Variants in SCYL3 observed in about 807,000 individuals in gnomAD.
SCYL3 encodes the protein SCY1 like pseudokinase 3.
SCYL3 carries 35 observed loss-of-function variants against 73.8 expected under a neutral mutation model. That is an observed-to-expected ratio of 0.47 (90% CI 0.36 to 0.63). The LOEUF (loss-of-function observed/expected upper bound fraction) is 0.63. SCYL3 is among the 20% of genes least tolerant of loss of function. The pLI is 0.00. For synonymous variants in SCYL3, 277 were observed against 295.2 expected (o/e 0.94, Z 0.63); for missense variants, 712 against 798.9 (o/e 0.89, Z 1.31).
intron 2 of SCYL3, among the ~76,000 whole-genome samples, chr1:169,882,569 G>A (rs1661363957): frequency 6.6e-6 from 1 of 152,232 alleles, no homozygotes; most frequent in Non-Finnish European, 1.5e-5. Context: ...AGCCAGCTGG[G>A]CTCCTGAGTC....
At position 169,852,900 on chromosome 1, in the gene SCYL3, TC is replaced by T. The variant is rs751696656; in HGVS notation, c.*812del. ...CAACTGAGTCACTACTCCAAAAGGG[TC>T]CTGCTCCAGCCTGGCTTTCAATGGA... On this transcript the variant is annotated 3_prime_UTR_variant, in exon 13 of 13. Coordinates refer to ENST00000367771, the MANE Select transcript of SCYL3 (RefSeq NM_020423.7). 2.5e-6 allele frequency: 4 copies of T among 1,614,014 alleles called. No homozygotes were observed. The Admixed American group carries it at 6.7e-5, about 27-fold the overall frequency.
At chr1:169,870,891 T>C (rs1660343144) in intron 5 of SCYL3, among the ~76,000 whole-genome samples, 1 of 152,238 alleles carries the variant, frequency 6.6e-6, no homozygotes, top group South Asian at 2.1e-4. Flanking sequence ...CTTAGGTCTA[T>C]ACTTAAGTTT....
At chr1:169,876,802 A>G (rs1036696144) in intron 3 of SCYL3, among the ~76,000 whole-genome samples, 1 of 151,878 alleles carries the variant, frequency 6.6e-6, no homozygotes, top group Admixed American at 6.6e-5. Flanking sequence ...AAAAATACAA[A>G]ATATTAGCCG....
Position 169,870,290 on chromosome 1 carries a change from A to C in SCYL3, c.590T>G (p.Leu197Trp). Residue 197 changes from leucine (L) to tryptophan (W), a missense_variant, in exon 6 of 13, where the codon TTG becomes TGG. By Grantham distance (61) the Leu-to-Trp change is moderately conservative. Transcript: ENST00000367771. ...TAAGATTGTGAGCAAACTTTCCACC[A>C]ATGTTCCAAATGAAAAGGCATCCCG... The part of the protein sequence containing the change: ...HARDAFSFGT[L>W]VESLLTILNE... 6.2e-7 allele frequency: 1 copy of C among 1,613,766 alleles called. No homozygotes were observed. The highest frequency in any genetic ancestry group is 8.5e-7 in the Non-Finnish European group (1 of 1,179,808).
chr1:169,864,523 G>A lies in SCYL3; in HGVS notation c.816-15C>T. 1 of 1,571,242 alleles carries A rather than the reference G, an allele frequency of 6.4e-7. No homozygotes were observed. Among genetic ancestry groups the A allele is most frequent in the Non-Finnish European group, 8.6e-7 (1 of 1,164,062 alleles). On this transcript the variant is annotated splice_polypyrimidine_tract_variant and intron_variant, in intron 8 of 12. Coordinates refer to ENST00000367771, the MANE Select transcript of SCYL3 (RefSeq NM_020423.7). ...CCAGCAGAAATCTGAGGACAAAAAG[G>A]GAAAGCCCAGGAAACTGGTCATGAC...
At chr1:169,855,835 G>C (rs1659089393) in intron 11 of SCYL3, 1 of 1,613,694 alleles carries the variant, frequency 6.2e-7, no homozygotes, top group Non-Finnish European at 8.5e-7. Context: ...CGCTGTATGT[G>C]CTTCTTGCTG....
rs573048834 is a variant in SCYL3, at chr1:169,853,659, A to AT, written c.*53dup. ...CCCAAAGCCTGCTTTTGAGGTATTG[A>AT]TTTTTTTTAAAAAAAGGGAATCCTT... On this transcript the variant is annotated 3_prime_UTR_variant, in exon 13 of 13. Transcript: ENST00000367771. The AT allele has an allele frequency of 1.8e-4, 289 of 1,587,794 alleles. No homozygotes were observed. The highest frequency in any genetic ancestry group is 1.4e-3 in the Admixed American group (83 of 59,164).
chr1:169,859,319 A>T, intron 10 of SCYL3, 107 bp from the exon 11 acceptor site: 5 of 1,040,310 alleles, frequency 4.8e-6, no homozygotes, highest in Non-Finnish European at 6.8e-6. Context: ...GATAAACTAC[A>T]TTATCTTAGA....
chr1:169,892,865 A>C (rs925919959), intron 1 of SCYL3, among the ~76,000 whole-genome samples: 1 of 152,214 alleles, frequency 6.6e-6, no homozygotes, highest in African/African-American at 2.4e-5. Context: ...CAATTACTCG[A>C]GACTACCTTG....
intron 7 of SCYL3, among the ~76,000 whole-genome samples, chr1:169,867,782 A>G (rs1187472894): frequency 6.6e-6 from 1 of 152,168 alleles, no homozygotes; most frequent in Non-Finnish European, 1.5e-5. Context: ...CCACATTAAC[A>G]GTGGGATTTT....
chr1:169,855,188 T>C (rs560137493), intron 11 of SCYL3, among the ~76,000 whole-genome samples: 4 of 152,320 alleles, frequency 2.6e-5, no homozygotes, highest in African/African-American at 9.6e-5. Context: ...AGTGGAAGCA[T>C]GTAAGTAATA....
Position 169,868,694 on chromosome 1 carries a change from C to T in SCYL3, c.737+234G>A, listed in dbSNP as rs79731275. ...CTGGCTACAGTTTCTAAATCCAAGC[C>T]TTCAAGACAATCAAGGATTTCTAAA... On this transcript the variant is annotated intron_variant, in intron 7 of 12. Coordinates refer to ENST00000367771, the MANE Select transcript of SCYL3 (RefSeq NM_020423.7). 5.9e-3 allele frequency among the ~76,000 whole-genome samples: 895 copies of T among 152,316 alleles called. 2 individuals carry two copies. Among genetic ancestry groups the T allele is most frequent in the Middle Eastern group, 0.01 (3 of 294 alleles).
In SCYL3 at chr1:169,866,907, C is replaced by T. The variant is rs772153000; in HGVS notation, c.804G>A (p.Thr268=). 2.0e-5 allele frequency: 31 copies of T among 1,560,508 alleles called. No individual in the cohort carries two copies. Among genetic ancestry groups the T allele is most frequent in the African/African-American group, 1.9e-4 (14 of 73,316 alleles). The change falls in exon 8 of 13, where the codon ACG becomes ACA. Residue 268 remains threonine (T), a synonymous_variant. Transcript: ENST00000367771. ...TTTTCTGAACTTACTTAAAGAATTC[C>T]GTTTTCTCCTCTTCACTCTTCAATG... ...SLTLKSEEEK[T]EFFKFLLDRV...
chr1:169,865,410 T>C lies in SCYL3; in HGVS notation c.816-902A>G, dbSNP rs60400618. ...TTGATACTCATTCCCACCTCCCTTC[T>C]AGTTATTAAGGATCCGAGGGCCTCC... is the stretch of plus-strand genomic sequence containing the variant. On this transcript the variant is annotated intron_variant, in intron 8 of 12. Transcript: ENST00000367771. Among the ~76,000 whole-genome samples the C allele has an allele frequency of 7.0e-3, 1,072 of 152,240 alleles. 12 individuals are homozygous for C. The highest frequency in any genetic ancestry group is 0.024 in the African/African-American group (1,014 of 41,550).
rs370654861 is a variant in SCYL3, at chr1:169,862,804, G to A, written c.956-7C>T. ...GTTTCTCCCTGCGCATGATCTACCCGAAAAATCAAAGGTTACAGATGAAAA... is the reference window on the plus strand; with the variant it reads ...GTTTCTCCCTGCGCATGATCTACCCAAAAAATCAAAGGTTACAGATGAAAA... On this transcript the variant is annotated splice_region_variant and splice_polypyrimidine_tract_variant and intron_variant, in intron 9 of 12. Transcript: ENST00000367771. 3.1e-6 allele frequency: 5 copies of A among 1,611,362 alleles called. No individual in the cohort carries two copies. Among genetic ancestry groups the A allele is most frequent in the African/African-American group, 1.3e-5 (1 of 74,766 alleles).
intron 2 of SCYL3, among the ~76,000 whole-genome samples, chr1:169,883,859 C>T (rs964673290): frequency 1.3e-5 from 2 of 151,864 alleles, no homozygotes. Flanking sequence ...GCTGGGACTA[C>T]AGGCGCCCGC....
intron 10 of SCYL3, among the ~76,000 whole-genome samples, chr1:169,862,139 A>G (rs1166485866): frequency 6.6e-6 from 1 of 152,254 alleles, no homozygotes. Flanking sequence ...ATAATTTGTG[A>G]TAATTTGTTA....
chr1:169,858,750 T>G (rs1409530651), intron 11 of SCYL3, among the ~76,000 whole-genome samples: 2 of 151,446 alleles, frequency 1.3e-5, no homozygotes, highest in Non-Finnish European at 2.9e-5. Flanking sequence ...CATCATGGTA[T>G]AGACAGTCAG....
chr1:169,889,701 A>T (rs1453794527), intron 1 of SCYL3, among the ~76,000 whole-genome samples: 1 of 152,212 alleles, frequency 6.6e-6, no homozygotes, highest in African/African-American at 2.4e-5. Context: ...GGGAGAGGAA[A>T]GGATTATCAT....
Sources: gnomAD v4.1 joint callset for allele counts (sites outside exome capture counted in the v4.1 genomes callset) on GRCh38, gnomAD v4.1.1 for gene constraint, MANE v1.5 for transcripts, NCBI Gene and HGNC (gene_info 2026-07-23, HGNC 2026-07-21) for gene names.